The following PPM1L variants were observed in gnomAD, a reference collection of about 807,000 sequenced individuals.
PPM1L encodes protein phosphatase, Mg2+/Mn2+ dependent 1L.
In PPM1L, 13 loss-of-function variants were observed where a neutral mutation model predicts 31.4. That is an observed-to-expected ratio of 0.41 (90% CI 0.27 to 0.66). The LOEUF (loss-of-function observed/expected upper bound fraction) is 0.66. PPM1L is among the 30% of genes least tolerant of loss of function. PPM1L has a pLI of 0.29. For missense variants in PPM1L, 326 were observed against 453.7 expected, an observed-to-expected ratio of 0.72 and a Z score of 2.56; for synonymous variants, 184 against 175.4, an observed-to-expected ratio of 1.05 and a Z score of -0.39.
chr3:160,942,949 G>C (rs1453563258), intron 1 of PPM1L, among the ~76,000 whole-genome samples: 2 of 151,974 alleles, frequency 1.3e-5, no homozygotes, highest in African/African-American at 4.8e-5. Flanking sequence ...CTATCTGAAG[G>C]ATAGACTTTT....
At chr3:160,964,405 TTACTG>T (rs1168757228) in intron 2 of PPM1L, among the ~76,000 whole-genome samples, 2 of 151,892 alleles carry the variant, frequency 1.3e-5, no homozygotes, top group Non-Finnish European at 2.9e-5. Context: ...AAAAATATAT[TTACTG>T]TATTAAATGG....
At chr3:160,786,155 C>CTGTGTGTGTGTG (rs796240930) in intron 1 of PPM1L, among the ~76,000 whole-genome samples, 18 of 83,218 alleles carry the variant, frequency 2.2e-4, no homozygotes, top group African/African-American at 9.5e-4. Context: ...CTCTCTCTCT[C>CTGTGTGTGTGTG]TCTGTGTGTG....
chr3:160,805,626 G>A (rs1392929753), intron 1 of PPM1L, among the ~76,000 whole-genome samples: 1 of 152,170 alleles, frequency 6.6e-6, no homozygotes, highest in East Asian at 1.9e-4. Context: ...GGAGGCTGAG[G>A]CAGCAGATTC....
At chr3:161,061,128 A>C (rs1719558800) in intron 2 of PPM1L, among the ~76,000 whole-genome samples, 3 of 152,064 alleles carry the variant, frequency 2.0e-5, no homozygotes, top group African/African-American at 7.2e-5. Context: ...CCAAACAGTA[A>C]GTTTTTTTTG....
At chr3:160,814,709 ATATG>A (rs1576651097) in intron 1 of PPM1L, among the ~76,000 whole-genome samples, 2 of 149,604 alleles carry the variant, frequency 1.3e-5, no homozygotes, top group East Asian at 3.9e-4. Context: ...ATGTGTATAT[ATATG>A]TGTATGTATA....
intron 1 of PPM1L, among the ~76,000 whole-genome samples, chr3:160,835,567 C>T (rs950716471): frequency 5.3e-5 from 8 of 152,040 alleles, no homozygotes; most frequent in South Asian, 2.1e-4. Flanking sequence ...CACCATCATC[C>T]GTGCATTTTT....
At chr3:160,827,455 G>GTA (rs1178028495) in intron 1 of PPM1L, among the ~76,000 whole-genome samples, 10 of 139,518 alleles carry the variant, frequency 7.2e-5, no homozygotes, top group African/African-American at 2.4e-4. Context: ...GTTTGTGTGT[G>GTA]TGTGTGTGTG....
chr3:160,940,112 T>C (rs1382892903), intron 1 of PPM1L, among the ~76,000 whole-genome samples: 8 of 152,166 alleles, frequency 5.3e-5, no homozygotes. Context: ...CCCTAGAGAT[T>C]TGTGGAACTT....
intron 1 of PPM1L, among the ~76,000 whole-genome samples, chr3:160,927,115 T>C (rs1237830398): frequency 6.6e-6 from 1 of 152,184 alleles, no homozygotes; most frequent in Non-Finnish European, 1.5e-5. Context: ...TTCTGCACCT[T>C]TACCTTTGCC....
chr3:161,029,886 T>C (rs139423354), intron 2 of PPM1L, among the ~76,000 whole-genome samples: 212 of 152,266 alleles, frequency 1.4e-3, no homozygotes, highest in African/African-American at 4.8e-3. Flanking sequence ...ATGACTTCAT[T>C]ATATTCCTGA....
chr3:160,890,979 A>C (rs1713118953), intron 1 of PPM1L, among the ~76,000 whole-genome samples: 1 of 152,222 alleles, frequency 6.6e-6, no homozygotes, highest in Non-Finnish European at 1.5e-5. Flanking sequence ...TTAACTCAGG[A>C]TGGATTAAAG....
intron 2 of PPM1L, among the ~76,000 whole-genome samples, chr3:161,020,364 A>C (rs1283048418): frequency 1.3e-5 from 2 of 152,178 alleles, no homozygotes; most frequent in African/African-American, 2.4e-5. Context: ...GTCAAGTAGC[A>C]AGAAGCAAAA....
chr3:160,850,109 TATCA>T (rs1356415900), intron 1 of PPM1L, among the ~76,000 whole-genome samples: 1 of 152,242 alleles, frequency 6.6e-6, no homozygotes, highest in Admixed American at 6.5e-5. Flanking sequence ...CACCTACGGC[TATCA>T]ATCAGAGGTT....
intron 1 of PPM1L, among the ~76,000 whole-genome samples, chr3:160,823,818 C>T (rs1560117254): frequency 6.6e-6 from 1 of 152,078 alleles, no homozygotes. Flanking sequence ...CCTATAGCTA[C>T]CAAGGCCAGG....
intron 2 of PPM1L, among the ~76,000 whole-genome samples, chr3:160,993,372 A>T (rs79129152): frequency 0.012 from 1,861 of 152,250 alleles, 40 homozygotes; most frequent in African/African-American, 0.043. Flanking sequence ...CTGATTCTCT[A>T]CAGGAGATTT....
rs1395962933 is a variant in PPM1L at position 161,077,569 on chromosome 3, C to T, written c.*8412C>T. 6.6e-6 allele frequency: 1 copy of T among 152,208 alleles called. No individual in the cohort carries two copies. Among genetic ancestry groups the T allele is most frequent in the Non-Finnish European group, 1.5e-5 (1 of 68,048 alleles). The allele number at this position is 152,208 out of a possible 1,614,324, so 9.4% of individuals were successfully genotyped here. On this transcript the variant is annotated 3_prime_UTR_variant, in exon 4 of 4. Coordinates refer to ENST00000498165, the MANE Select transcript of PPM1L (RefSeq NM_139245.4). ...TGTTCCCAAGAGACTAGTGTAATAA[C>T]CTTATGCCCCCAAAGACAGCCCAGA...
intron 2 of PPM1L, among the ~76,000 whole-genome samples, chr3:160,989,184 C>T (rs1345789197): frequency 1.3e-5 from 2 of 152,064 alleles, no homozygotes; most frequent in Non-Finnish European, 2.9e-5. Context: ...AATCTGTTTC[C>T]TTACTTGCTC....
At chr3:161,042,897 G>A (rs939144931) in intron 2 of PPM1L, among the ~76,000 whole-genome samples, 3 of 151,800 alleles carry the variant, frequency 2.0e-5, no homozygotes, top group African/African-American at 7.3e-5. Context: ...GCAGGCTCCT[G>A]TAATCCCAGC....
chr3:160,803,079 G>A lies in PPM1L; in HGVS notation c.399+46372G>A, dbSNP rs556759108. 4.6e-5 allele frequency among the ~76,000 whole-genome samples: 7 copies of A among 152,298 alleles called. 1 individual carries two copies. The highest frequency in any genetic ancestry group is 1.2e-4 in the African/African-American group (5 of 41,558). ...GCTGGTCTGGCTGCAGCATTAAGGC[G>A]AATCCTAAGGTTAACTCACCATCTC... On this transcript the variant is annotated intron_variant, in intron 1 of 3. Transcript: ENST00000498165.
Sources: gnomAD v4.1 joint callset for allele counts (sites outside exome capture counted in the v4.1 genomes callset) on GRCh38, gnomAD v4.1.1 for gene constraint, MANE v1.5 for transcripts, NCBI Gene and HGNC (gene_info 2026-07-23, HGNC 2026-07-21) for gene names.